The following CTNNBL1 variants were observed in gnomAD, a reference collection of about 807,000 sequenced individuals.
The protein encoded by CTNNBL1 is catenin beta like 1, also known as beta-catenin-like protein 1.
In CTNNBL1, 31 loss-of-function variants were observed where a neutral mutation model predicts 72.7. The observed-to-expected ratio is 0.43, with a 90% CI of 0.32 to 0.58. CTNNBL1 has a LOEUF of 0.58. CTNNBL1 is among the 20% of genes least tolerant of loss of function. The probability of loss-of-function intolerance (pLI) is 0.08; values close to 1 mark genes in which losing one functional copy is unlikely to be tolerated. For synonymous variants in CTNNBL1, 240 were observed against 267.3 expected, an observed-to-expected ratio of 0.90 and a Z score of 1.00; for missense variants, 534 against 725.1, an observed-to-expected ratio of 0.74 and a Z score of 3.03.
intron 1 of CTNNBL1, among the ~76,000 whole-genome samples, chr20:37,703,042 T>G (rs76679067): frequency 0.062 from 9,496 of 152,272 alleles, 353 homozygotes; most frequent in African/African-American, 0.072. Context: ...TTTCCTCTTC[T>G]TTATTATCAT....
At chr20:37,836,054 C>G (rs2072250855) in intron 11 of CTNNBL1, among the ~76,000 whole-genome samples, 1 of 152,192 alleles carries the variant, frequency 6.6e-6, no homozygotes, top group African/African-American at 2.4e-5. Context: ...ATTTTTACCT[C>G]ATACATCCAT....
In CTNNBL1 at chr20:37,746,449, G is replaced by A. The variant is rs542226170; in HGVS notation, c.327-19G>A. On this transcript the variant is annotated intron_variant, in intron 3 of 15. Transcript: ENST00000361383. ...ATAGTGCCCCTTTCCTTCTAATGAT[G>A]TCTTGTTTTCCCTCCTAGGTTCATG... 3.3e-5 allele frequency: 53 copies of A among 1,608,160 alleles called. No individual in the cohort carries two copies. The South Asian group carries it at 4.5e-4, about 14-fold the overall frequency.
chr20:37,733,174 G>T, intron 2 of CTNNBL1, 107 bp downstream of exon 2: 1 of 968,034 alleles, frequency 1.0e-6, no homozygotes, highest in South Asian at 1.6e-5. Flanking sequence ...CTGTAAAATG[G>T]GGTTAAGAAT....
At chr20:37,811,534 A>G (rs1265096942) in intron 11 of CTNNBL1, among the ~76,000 whole-genome samples, 5 of 152,184 alleles carry the variant, frequency 3.3e-5, no homozygotes, top group Non-Finnish European at 7.3e-5. Flanking sequence ...ACCTCGGATG[A>G]CAAAATGTAG....
At position 37,850,152 on chromosome 20, in the gene CTNNBL1, C is replaced by T. The variant is rs935383105; in HGVS notation, c.1392+7733C>T. 1.8e-4 allele frequency among the ~76,000 whole-genome samples: 27 copies of T among 151,864 alleles called. 1 individual carries two copies. Among genetic ancestry groups the T allele is most frequent in the African/African-American group, 5.1e-4 (21 of 41,322 alleles). ...TCGCTATCACAGAAGTACTGATTCTCTCAAGACCAGAGTATAAGTTGTCAA... is the reference window on the plus strand; with the variant it reads ...TCGCTATCACAGAAGTACTGATTCTTTCAAGACCAGAGTATAAGTTGTCAA... On this transcript the variant is annotated intron_variant, in intron 13 of 15. Coordinates refer to ENST00000361383, the MANE Select transcript of CTNNBL1 (RefSeq NM_030877.5).
intron 1 of CTNNBL1, among the ~76,000 whole-genome samples, chr20:37,707,838 C>T (rs1007251874): frequency 6.6e-6 from 1 of 152,168 alleles, no homozygotes; most frequent in African/African-American, 2.4e-5. Flanking sequence ...ATGTGAGACT[C>T]TTTCTTTCAC....
intron 11 of CTNNBL1, among the ~76,000 whole-genome samples, chr20:37,833,855 G>A (rs1470557924): frequency 1.3e-5 from 2 of 152,094 alleles, no homozygotes; most frequent in African/African-American, 4.8e-5. Context: ...CTGTTCTTAG[G>A]GAAGCTACAT....
At chr20:37,725,067 G>A (rs1231278902) in intron 1 of CTNNBL1, among the ~76,000 whole-genome samples, 5 of 151,716 alleles carry the variant, frequency 3.3e-5, no homozygotes, top group Non-Finnish European at 4.4e-5. Context: ...CATTATGCTC[G>A]GCTAATTTTT....
chr20:37,760,987 T>TA (rs199904274), intron 5 of CTNNBL1, among the ~76,000 whole-genome samples: 352 of 138,858 alleles, frequency 2.5e-3, no homozygotes, highest in South Asian at 3.5e-3. Context: ...AGCTTTAGTT[T>TA]AAAAAAAAAA....
chr20:37,736,048 A>G (rs1269474156), intron 2 of CTNNBL1, among the ~76,000 whole-genome samples: 2 of 152,218 alleles, frequency 1.3e-5, no homozygotes, highest in African/African-American at 4.8e-5. Context: ...TCAAATATTC[A>G]TTTTATTTGC....
chr20:37,816,320 G>A (rs1463639937), intron 11 of CTNNBL1, among the ~76,000 whole-genome samples: 1 of 152,162 alleles, frequency 6.6e-6, no homozygotes, highest in Non-Finnish European at 1.5e-5. Context: ...TGGTCCTGGG[G>A]GTGATTTTCT....
intron 13 of CTNNBL1, among the ~76,000 whole-genome samples, chr20:37,849,017 C>G (rs2072371357): frequency 6.6e-6 from 1 of 152,204 alleles, no homozygotes; most frequent in Non-Finnish European, 1.5e-5. Context: ...TTGACTAGAT[C>G]AAAAATAGGC....
chr20:37,709,437 C>T lies in CTNNBL1; in HGVS notation c.30+15285C>T, dbSNP rs187602024. 3.3e-5 allele frequency among the ~76,000 whole-genome samples: 5 copies of T among 152,300 alleles called. No individual in the cohort carries two copies. In the East Asian group the frequency reaches 9.6e-4, roughly 29 times the overall value. On this transcript the variant is annotated intron_variant, in intron 1 of 15. Coordinates refer to ENST00000361383, the MANE Select transcript of CTNNBL1 (RefSeq NM_030877.5). ...ATAGAGTTAAACATTAGCAGCACAC[C>T]AGTCCTCTGCTGGTATATAATGTTG...
intron 1 of CTNNBL1, among the ~76,000 whole-genome samples, chr20:37,725,048 G>T (rs1034817547): frequency 6.6e-6 from 1 of 151,728 alleles, no homozygotes; most frequent in Non-Finnish European, 1.5e-5. Flanking sequence ...TGGGACTACA[G>T]GTGCGTGCCA....
intron 6 of CTNNBL1, among the ~76,000 whole-genome samples, chr20:37,767,133 TG>T (rs1366223415): frequency 6.6e-6 from 1 of 152,128 alleles, no homozygotes; most frequent in Non-Finnish European, 1.5e-5. Flanking sequence ...CAATGTGTTC[TG>T]GGTATTGTGT....
intron 3 of CTNNBL1, among the ~76,000 whole-genome samples, chr20:37,746,153 G>T (rs1389504932): frequency 6.6e-6 from 1 of 152,196 alleles, no homozygotes; most frequent in East Asian, 1.9e-4. Flanking sequence ...AAGGGGTAAT[G>T]GTGGCTAATC....
intron 4 of CTNNBL1, among the ~76,000 whole-genome samples, chr20:37,749,102 A>G (rs1412322173): frequency 1.3e-5 from 2 of 152,202 alleles, no homozygotes; most frequent in Admixed American, 6.5e-5. Context: ...TTGGACAGCT[A>G]ACTTGAAGTT....
intron 1 of CTNNBL1, among the ~76,000 whole-genome samples, chr20:37,720,600 C>T (rs376894535): frequency 7.2e-5 from 11 of 152,272 alleles, no homozygotes; most frequent in African/African-American, 2.4e-4. Flanking sequence ...ACATTGACTA[C>T]GAGAATCTTA....
intron 13 of CTNNBL1, among the ~76,000 whole-genome samples, chr20:37,852,710 A>G (rs1277162165): frequency 6.6e-6 from 1 of 152,268 alleles, no homozygotes; most frequent in East Asian, 1.9e-4. Flanking sequence ...ATTGCTAGTG[A>G]TTTCAGGGCT....
Sources: allele counts gnomAD v4.1 joint callset (sites outside exome capture counted in the v4.1 genomes callset), GRCh38; gene constraint gnomAD v4.1.1; transcripts MANE v1.5; gene names NCBI Gene and HGNC (gene_info 2026-07-23, HGNC 2026-07-21).